NKAIN2: variants seen among roughly 807,000 people sequenced by gnomAD.
NKAIN2 encodes the protein sodium/potassium-transporting ATPase subunit beta-1-interacting protein 2.
A neutral mutation model predicts 32.6 loss-of-function variants in NKAIN2; 14 were observed. The observed-to-expected ratio is 0.43, with a 90% CI of 0.28 to 0.67. The LOEUF (loss-of-function observed/expected upper bound fraction) is 0.67, where lower values mean the gene tolerates loss of function less well. Among genes scored for constraint, NKAIN2 ranks in the 30% least tolerant of loss-of-function variants. The pLI is 0.17. For synonymous variants in NKAIN2, 80 were observed against 87.2 expected (o/e 0.92, Z 0.46); for missense variants, 198 against 258.3 (o/e 0.77, Z 1.60).
At chr6:124,727,389 T>A (rs1776383623) in intron 4 of NKAIN2, among the ~76,000 whole-genome samples, 1 of 150,988 alleles carries the variant, frequency 6.6e-6, no homozygotes, top group Non-Finnish European at 1.5e-5. Context: ...CAGAAGAGAG[T>A]GGGGGCCAAT....
intron 1 of NKAIN2, among the ~76,000 whole-genome samples, chr6:123,867,812 C>T (rs1772617846): frequency 6.6e-6 from 1 of 151,498 alleles, no homozygotes; most frequent in African/African-American, 2.4e-5. Context: ...GAAATGAAAG[C>T]TTTTATGATA....
chr6:124,408,240 C>T (rs1456564714), intron 3 of NKAIN2, among the ~76,000 whole-genome samples: 2 of 152,070 alleles, frequency 1.3e-5, no homozygotes, highest in African/African-American at 2.4e-5. Context: ...GTTGCCATTG[C>T]TTTTGGTGTT....
At chr6:124,074,561 A>G (rs1294162442) in intron 1 of NKAIN2, among the ~76,000 whole-genome samples, 2 of 152,172 alleles carry the variant, frequency 1.3e-5, no homozygotes, top group African/African-American at 2.4e-5. Flanking sequence ...AGGGCTGTGC[A>G]AGTGAGGGAT....
chr6:124,563,583 G>T (rs536814707), intron 3 of NKAIN2, among the ~76,000 whole-genome samples: 4 of 152,128 alleles, frequency 2.6e-5, no homozygotes, highest in Non-Finnish European at 5.9e-5. Context: ...TGTGTTCCCT[G>T]TAAAACCAGG....
rs1779737387 is a variant in NKAIN2, at chr6:124,791,400, G to T, written c.535+1G>T. ...TGTATAACTGAAGAAGAGGACAGCT[G>T]TAAGTATTAAAGCTCTATTCTGTTT... is the stretch of plus-strand genomic sequence containing the variant. On this transcript the variant is annotated splice_donor_variant, in intron 5 of 6. Transcript: ENST00000368417. LOFTEE classifies it high-confidence loss of function. 1 of 1,594,488 alleles carries T rather than the reference G, an allele frequency of 6.3e-7. No individual in the cohort carries two copies.
At chr6:124,768,877 C>T (rs1487467841) in intron 4 of NKAIN2, among the ~76,000 whole-genome samples, 1 of 152,060 alleles carries the variant, frequency 6.6e-6, no homozygotes, top group Non-Finnish European at 1.5e-5. Context: ...ATGCAAACAC[C>T]ATTTAAAAAC....
intron 1 of NKAIN2, among the ~76,000 whole-genome samples, chr6:123,935,449 CT>C (rs552817710): frequency 1.1e-4 from 17 of 151,510 alleles, no homozygotes; most frequent in Non-Finnish European, 1.9e-4. Flanking sequence ...AACATCATCA[CT>C]TTTTTTTATA....
At chr6:124,616,552 C>A (rs911256413) in intron 3 of NKAIN2, among the ~76,000 whole-genome samples, 1 of 140,026 alleles carries the variant, frequency 7.1e-6, no homozygotes, top group African/African-American at 2.7e-5. Flanking sequence ...GAAAGCTCCG[C>A]CTCCCAGGTT....
At chr6:123,808,115 T>C (rs78855742) in intron 1 of NKAIN2, among the ~76,000 whole-genome samples, 141 of 152,328 alleles carry the variant, frequency 9.3e-4, no homozygotes, top group Non-Finnish European at 1.6e-3. Flanking sequence ...TGTGCTATTT[T>C]ATTACTTTTT....
intron 1 of NKAIN2, among the ~76,000 whole-genome samples, chr6:124,093,176 A>G (rs879755881): frequency 2.0e-5 from 3 of 152,122 alleles, no homozygotes; most frequent in Non-Finnish European, 4.4e-5. Flanking sequence ...TGGTGTATAT[A>G]TCTATGGGGA....
intron 3 of NKAIN2, among the ~76,000 whole-genome samples, chr6:124,427,900 A>G (rs1304422349): frequency 6.6e-6 from 1 of 152,158 alleles, no homozygotes; most frequent in Non-Finnish European, 1.5e-5. Flanking sequence ...CAATCTAACA[A>G]TTTATTTTAA....
chr6:124,148,091 T>C (rs1306915489), intron 1 of NKAIN2, among the ~76,000 whole-genome samples: 1 of 152,128 alleles, frequency 6.6e-6, no homozygotes, highest in African/African-American at 2.4e-5. Flanking sequence ...TCTGCCCATA[T>C]ATATTTGAGT....
intron 5 of NKAIN2, among the ~76,000 whole-genome samples, chr6:124,812,824 A>G (rs931580964): frequency 1.3e-5 from 2 of 151,734 alleles, no homozygotes; most frequent in African/African-American, 4.8e-5. Context: ...CCTTTCCCCC[A>G]TGTTCAAAAA....
chr6:124,255,092 TC>T (rs1353890530), intron 1 of NKAIN2, among the ~76,000 whole-genome samples: 1 of 152,186 alleles, frequency 6.6e-6, no homozygotes, highest in Non-Finnish European at 1.5e-5. Flanking sequence ...TGTGTTTCCC[TC>T]CAGGGTGATA....
At chr6:123,952,736 A>G (rs1413947102) in intron 1 of NKAIN2, among the ~76,000 whole-genome samples, 1 of 151,892 alleles carries the variant, frequency 6.6e-6, no homozygotes, top group Non-Finnish European at 1.5e-5. Context: ...CATAATTTCT[A>G]TTTGGTTGTT....
At chr6:124,583,592 A>G (rs1781602530) in intron 3 of NKAIN2, among the ~76,000 whole-genome samples, 2 of 152,200 alleles carry the variant, frequency 1.3e-5, no homozygotes, top group Non-Finnish European at 2.9e-5. Context: ...TACCAGTGAC[A>G]TTCTTCACAG....
chr6:123,892,949 A>G lies in NKAIN2; in HGVS notation c.54+88695A>G, dbSNP rs186360334. Among the ~76,000 whole-genome samples the G allele has an allele frequency of 1.5e-4, 22 of 151,686 alleles. No individual in the cohort carries two copies. In the East Asian group the frequency reaches 2.4e-3, roughly 16 times the overall value. ...TTTTCTGAAATAAAGTTGGGCAACAAGCAGAAGGCAAAATAAACTGAAGTT... is the reference window on the plus strand; with the variant it reads ...TTTTCTGAAATAAAGTTGGGCAACAGGCAGAAGGCAAAATAAACTGAAGTT... On this transcript the variant is annotated intron_variant, in intron 1 of 6. Transcript: ENST00000368417.
chr6:123,831,844 C>T (rs186330302), intron 1 of NKAIN2, among the ~76,000 whole-genome samples: 32 of 152,040 alleles, frequency 2.1e-4, no homozygotes, highest in Non-Finnish European at 4.0e-4. Context: ...TTAGTAGAGA[C>T]GGGGTTTCAC....
At chr6:123,836,797 T>A (rs1028751981) in intron 1 of NKAIN2, among the ~76,000 whole-genome samples, 2 of 152,144 alleles carry the variant, frequency 1.3e-5, no homozygotes, top group Non-Finnish European at 2.9e-5. Flanking sequence ...GTGGTGAAGG[T>A]TACACAGGAA....
Sources: allele counts gnomAD v4.1 joint callset (sites outside exome capture counted in the v4.1 genomes callset), GRCh38; gene constraint gnomAD v4.1.1; transcripts MANE v1.5; gene names NCBI Gene and HGNC (gene_info 2026-07-23, HGNC 2026-07-21).